Variants in SYT16 observed in about 807,000 individuals in gnomAD.
SYT16 encodes synaptotagmin-16.
Under a neutral mutation model 61.4 loss-of-function variants are expected in SYT16, and 42 were observed. The ratio of observed to expected loss-of-function variants is 0.68; its 90% CI spans 0.53 to 0.89. The LOEUF (loss-of-function observed/expected upper bound fraction) is 0.89. Among genes scored for constraint, SYT16 ranks in the 40% least tolerant of loss-of-function variants. The pLI, the probability that SYT16 is intolerant of heterozygous loss-of-function variation, is 0.00. For missense variants in SYT16, 804 were observed against 807.3 expected, an observed-to-expected ratio of 1.00 and a Z score of 0.05; for synonymous variants, 314 against 302.3, an observed-to-expected ratio of 1.04 and a Z score of -0.40.
chr14:61,865,854 C>A (rs1402194687), intron 1 of SYT16, among the ~76,000 whole-genome samples: 5 of 151,908 alleles, frequency 3.3e-5, no homozygotes, highest in Non-Finnish European at 7.4e-5. Context: ...TATTTTCCAC[C>A]TCCCCCAGTC....
intron 3 of SYT16, among the ~76,000 whole-genome samples, chr14:62,059,081 G>T (rs138235041): frequency 6.6e-6 from 1 of 152,232 alleles, no homozygotes; most frequent in East Asian, 1.9e-4. Flanking sequence ...AAGGTGGAGG[G>T]TGGGAGGAGG....
At chr14:61,867,277 C>T (rs1024530046) in intron 1 of SYT16, among the ~76,000 whole-genome samples, 1 of 151,862 alleles carries the variant, frequency 6.6e-6, no homozygotes, top group Non-Finnish European at 1.5e-5. Flanking sequence ...TCATCATTTT[C>T]TGTGAATAAA....
intron 1 of SYT16, among the ~76,000 whole-genome samples, chr14:61,918,220 T>C (rs1230745546): frequency 1.3e-5 from 2 of 152,198 alleles, no homozygotes; most frequent in Admixed American, 1.3e-4. Context: ...AAGTTTGTTG[T>C]TCTGTTTTAA....
chr14:62,031,662 A>C (rs1308826970), intron 3 of SYT16, among the ~76,000 whole-genome samples: 1 of 152,174 alleles, frequency 6.6e-6, no homozygotes, highest in African/African-American at 2.4e-5. Flanking sequence ...AAACCACATG[A>C]TTAGGTGGTG....
At chr14:61,914,084 G>A (rs902054038) in intron 1 of SYT16, among the ~76,000 whole-genome samples, 6 of 152,070 alleles carry the variant, frequency 3.9e-5, no homozygotes, top group Admixed American at 1.3e-4. Flanking sequence ...AACATTTAAA[G>A]GCTATTGACA....
intron 3 of SYT16, among the ~76,000 whole-genome samples, chr14:62,036,956 A>G (rs1000689610): frequency 9.9e-5 from 15 of 152,200 alleles, no homozygotes; most frequent in African/African-American, 3.6e-4. Flanking sequence ...TGAGATGAAC[A>G]AAGAGAACAG....
At chr14:62,055,438 A>G (rs1415564363) in intron 3 of SYT16, among the ~76,000 whole-genome samples, 2 of 152,210 alleles carry the variant, frequency 1.3e-5, no homozygotes, top group Non-Finnish European at 2.9e-5. Context: ...GAGTCCTTGC[A>G]GTGAGAAAGG....
chr14:61,916,360 T>C (rs183694326), intron 1 of SYT16, among the ~76,000 whole-genome samples: 16 of 152,292 alleles, frequency 1.1e-4, no homozygotes, highest in African/African-American at 3.4e-4. Context: ...AAATGCATTG[T>C]ATGTGCAGTC....
intron 7 of SYT16, among the ~76,000 whole-genome samples, chr14:62,088,684 A>G (rs2056968560): frequency 6.6e-6 from 1 of 152,230 alleles, no homozygotes; most frequent in South Asian, 2.1e-4. Flanking sequence ...AATTTTTAGC[A>G]TTGAAGAGCA....
intron 1 of SYT16, among the ~76,000 whole-genome samples, chr14:61,842,436 C>T (rs183110058): frequency 2.8e-4 from 42 of 152,268 alleles, no homozygotes; most frequent in South Asian, 1.2e-3. Flanking sequence ...GTTTGTCTTT[C>T]TGTGCCTGGT....
rs779691181 is a variant in SYT16, at chr14:61,967,988, C to T, written c.-324-2144C>T. The stretch of plus-strand genomic sequence containing the variant: ...AAGAAAGTGGAGATGAGGCTGGGTG[C>T]GGTGGCTCATGCCTGTAATCCCAGC... On this transcript the variant is annotated intron_variant, in intron 1 of 7. Coordinates refer to ENST00000683842, the MANE Select transcript of SYT16 (RefSeq NM_001367656.1). 6.6e-5 allele frequency among the ~76,000 whole-genome samples: 10 copies of T among 151,960 alleles called. 1 individual carries two copies. Among genetic ancestry groups the T allele is most frequent in the Non-Finnish European group, 1.0e-4 (7 of 67,984 alleles).
intron 1 of SYT16, among the ~76,000 whole-genome samples, chr14:61,959,152 G>A (rs1185891987): frequency 3.3e-5 from 5 of 151,892 alleles, no homozygotes; most frequent in East Asian, 1.9e-4. Flanking sequence ...TAAATCTAAC[G>A]TGACTCTTTT....
chr14:61,839,319 G>C (rs867409974), intron 1 of SYT16, among the ~76,000 whole-genome samples: 2 of 152,204 alleles, frequency 1.3e-5, no homozygotes, highest in Non-Finnish European at 2.9e-5. Context: ...GACACATCAA[G>C]AAGGCCCTCA....
At position 62,069,622 on chromosome 14, in the gene SYT16, C is replaced by T. The variant is rs779568303; in HGVS notation, c.543C>T (p.Asp181=). The T allele has an allele frequency of 5.0e-6, 8 of 1,613,850 alleles. No homozygotes were observed. The highest frequency in any genetic ancestry group is 1.7e-5 in the Admixed American group (1 of 60,014). ...GKKQVNSFGD[D]EELSTSSDSD... is the part of the protein sequence containing the mutation. ...TCCCAGTCAACAGCTTTGGGGATGA[C>T]GAAGAGCTGTCCACATCTTCTGACA... Residue 181 remains aspartate, a synonymous_variant, in exon 4 of 8, where the codon GAC becomes GAT. Transcript: ENST00000683842.
At chr14:62,081,301 T>C (rs762103602) in intron 6 of SYT16, 27 bp downstream of exon 6, 2 of 1,593,414 alleles carry the variant, frequency 1.3e-6, no homozygotes, top group East Asian at 4.5e-5. Flanking sequence ...GTGCTGCTAA[T>C]GATGTGGTGT....
At chr14:62,003,654 A>G (rs1242558672) in intron 3 of SYT16, among the ~76,000 whole-genome samples, 2 of 152,086 alleles carry the variant, frequency 1.3e-5, no homozygotes, top group South Asian at 2.1e-4. Flanking sequence ...CATAGAGTTT[A>G]TATGCTTAAC....
intron 1 of SYT16, among the ~76,000 whole-genome samples, chr14:61,815,843 CTATTT>C (rs1394702055): frequency 6.6e-6 from 1 of 152,126 alleles, no homozygotes; most frequent in Non-Finnish European, 1.5e-5. Flanking sequence ...TAGTGAAGCG[CTATTT>C]TATTTTTTTA....
At chr14:61,852,728 T>G (rs2046653429) in intron 1 of SYT16, among the ~76,000 whole-genome samples, 1 of 152,188 alleles carries the variant, frequency 6.6e-6, no homozygotes, top group Non-Finnish European at 1.5e-5. Context: ...TTGCCTGTTG[T>G]TGGTGTATAG....
In SYT16 at chr14:62,008,367, C is replaced by G. The variant is rs554367464; in HGVS notation, c.523+11825C>G. Among the ~76,000 whole-genome samples, 70 of 152,100 alleles carry G rather than the reference C, an allele frequency of 4.6e-4. 2 individuals are homozygous for G. The South Asian group carries it at 0.011, about 25-fold the overall frequency. On this transcript the variant is annotated intron_variant, in intron 3 of 7. Coordinates refer to ENST00000683842, the MANE Select transcript of SYT16 (RefSeq NM_001367656.1). ...CATTGCTAATGGAGTTCTTAGTGCT[C>G]TTTACATTTCCTAGTTTGTAAGTTT...
Sources: allele counts gnomAD v4.1 joint callset (sites outside exome capture counted in the v4.1 genomes callset), GRCh38; gene constraint gnomAD v4.1.1; transcripts MANE v1.5; gene names NCBI Gene and HGNC (gene_info 2026-07-23, HGNC 2026-07-21).